The following WIPF3 variants were observed in gnomAD, a reference collection of about 807,000 sequenced individuals.
WIPF3 encodes WAS/WASL-interacting protein family member 3.
Under a neutral mutation model 38.9 loss-of-function variants are expected in WIPF3, and 33 were observed. The ratio of observed to expected loss-of-function variants is 0.85; its 90% CI spans 0.64 to 1.14. The LOEUF (loss-of-function observed/expected upper bound fraction) is 1.14, where lower values mean the gene tolerates loss of function less well. Ranked by LOEUF, WIPF3 falls within the 50% of genes most tolerant of loss-of-function variation. The probability of loss-of-function intolerance (pLI) is 0.00; values close to 1 mark genes in which losing one functional copy is unlikely to be tolerated. For missense variants in WIPF3, 711 were observed against 652.5 expected, an observed-to-expected ratio of 1.09 and a Z score of -0.98; for synonymous variants, 324 against 269.3, an observed-to-expected ratio of 1.20 and a Z score of -1.99.
intron 1 of WIPF3, among the ~76,000 whole-genome samples, chr7:29,815,589 G>T (rs529333619): frequency 3.1e-4 from 47 of 152,292 alleles, no homozygotes; most frequent in Admixed American, 1.2e-3. Flanking sequence ...GCAGTATTTT[G>T]TGGCTAGGGG....
Position 29,916,802 on chromosome 7 carries a change from C to G in WIPF3, c.*2286C>G, listed in dbSNP as rs1187947953. On this transcript the variant is annotated 3_prime_UTR_variant, in exon 9 of 9. Transcript: ENST00000242140. ...TCAGGAATGTGGCATCCCATCTCCC[C>G]TTGAGACCTATCACTGAATTCACAA... 1 of 152,168 alleles carries G rather than the reference C, an allele frequency of 6.6e-6. No individual in the cohort carries two copies. Among genetic ancestry groups the G allele is most frequent in the African/African-American group, 2.4e-5 (1 of 41,414 alleles). The allele number at this position is 152,168 out of a possible 1,614,324, so 9.4% of individuals were successfully genotyped here. A position where few individuals can be genotyped will look rare whatever the true frequency, so the allele number is the denominator to read the frequency against.
At chr7:29,813,167 T>G (rs746226665) in intron 1 of WIPF3, among the ~76,000 whole-genome samples, 4 of 152,200 alleles carry the variant, frequency 2.6e-5, no homozygotes, top group African/African-American at 4.8e-5. Flanking sequence ...TCTGATTTCC[T>G]CCTTGGCTCT....
At chr7:29,905,123 T>A (rs1053703691) in intron 8 of WIPF3, 1 of 152,184 alleles carries the variant, frequency 6.6e-6, no homozygotes, top group Non-Finnish European at 1.5e-5. Context: ...GAAAGTGACC[T>A]GAGAAGGAAG....
chr7:29,840,243 C>A (rs1562774879), intron 2 of WIPF3, among the ~76,000 whole-genome samples: 1 of 152,206 alleles, frequency 6.6e-6, no homozygotes, highest in Non-Finnish European at 1.5e-5. Flanking sequence ...CCCACTCCAT[C>A]CTGCATGGTC....
chr7:29,881,056 G>C (rs116653132), intron 4 of WIPF3, among the ~76,000 whole-genome samples: 1,584 of 152,234 alleles, frequency 0.01, 21 homozygotes, highest in African/African-American at 0.027. Context: ...GGCCTGAAAG[G>C]CTCATCCGCA....
chr7:29,883,787 C>T (rs1038992307), intron 4 of WIPF3, 63 bp from the exon 5 acceptor site: 66 of 1,502,456 alleles, frequency 4.4e-5, no homozygotes, highest in Non-Finnish European at 5.5e-5. Context: ...TGAGTGCCGC[C>T]TACCTGCGGG....
intron 5 of WIPF3, among the ~76,000 whole-genome samples, chr7:29,886,820 A>G (rs1040245382): frequency 6.6e-6 from 1 of 152,214 alleles, no homozygotes; most frequent in Non-Finnish European, 1.5e-5. Flanking sequence ...TAGGATTATT[A>G]GGAATATGAA....
chr7:29,884,144 C>A lies in WIPF3; in HGVS notation c.650C>A (p.Pro217His), dbSNP rs749853398. ...LTKGNLPVVAPPVPCAPPPPP... is the reference protein window; with the variant it reads ...LTKGNLPVVAHPVPCAPPPPP... ...AAAGGGAACCTCCCGGTGGTTGCAC[C>A]CCCCGTCCCCTGTGCGCCACCACCT... is the stretch of plus-strand genomic sequence containing the variant. Residue 217 changes from proline (P) to histidine (H), a missense_variant, in exon 5 of 9, where the codon CCC (proline) becomes CAC (histidine). Coordinates refer to ENST00000242140, the MANE Select transcript of WIPF3 (RefSeq NM_001080529.3). 7.2e-6 allele frequency: 11 copies of A among 1,530,152 alleles called. No individual in the cohort carries two copies. In the East Asian group the frequency reaches 1.2e-4, roughly 17 times the overall value. 94.8% of individuals were successfully genotyped at this position (1,530,152 alleles called of 1,614,324 possible).
intron 5 of WIPF3, among the ~76,000 whole-genome samples, chr7:29,885,342 T>A (rs576548091): frequency 1.1e-3 from 169 of 152,158 alleles, no homozygotes; most frequent in African/African-American, 3.8e-3. Context: ...TACACCCACA[T>A]CCACACAGGC....
chr7:29,827,316 T>C (rs1784630904), intron 1 of WIPF3, among the ~76,000 whole-genome samples: 2 of 152,150 alleles, frequency 1.3e-5, no homozygotes, highest in East Asian at 1.9e-4. Context: ...AGGAGAGAGA[T>C]GTGAACAGAG....
chr7:29,870,881 C>G (rs554086031), intron 2 of WIPF3, among the ~76,000 whole-genome samples: 89 of 151,178 alleles, frequency 5.9e-4, no homozygotes, highest in South Asian at 4.0e-3. Context: ...TGCTTGAACC[C>G]AGGAGAGGGA....
intron 1 of WIPF3, among the ~76,000 whole-genome samples, chr7:29,814,312 G>A (rs1213180428): frequency 6.6e-6 from 1 of 151,930 alleles, no homozygotes. Flanking sequence ...CTACAAAAGT[G>A]CCTGGCACAT....
At position 29,844,530 on chromosome 7, in the gene WIPF3, G is replaced by A. The variant is rs527582812; in HGVS notation, c.90+9716G>A. On this transcript the variant is annotated intron_variant, in intron 2 of 8. Coordinates refer to ENST00000242140, the MANE Select transcript of WIPF3 (RefSeq NM_001080529.3). The surrounding 1 kb of genome is among the most constrained non-coding windows in gnomAD (Gnocchi z 4.8). ...TGAGGCACAGAAAGTTTACTTACGTGCCCAGTGTCACACAGCCAGTCATGG... is the reference window on the plus strand; with the variant it reads ...TGAGGCACAGAAAGTTTACTTACGTACCCAGTGTCACACAGCCAGTCATGG... 1.3e-3 allele frequency among the ~76,000 whole-genome samples: 193 copies of A among 152,318 alleles called. No individual in the cohort carries two copies. Among genetic ancestry groups the A allele is most frequent in the Middle Eastern group, 3.4e-3 (1 of 294 alleles).
chr7:29,900,187 T>G (rs1356517228), intron 7 of WIPF3, among the ~76,000 whole-genome samples: 1 of 152,172 alleles, frequency 6.6e-6, no homozygotes, highest in Non-Finnish European at 1.5e-5. Context: ...TCCGCCTGCC[T>G]CAGCCTCCCA....
At chr7:29,858,447 C>T (rs563817707) in intron 2 of WIPF3, among the ~76,000 whole-genome samples, 1 of 152,310 alleles carries the variant, frequency 6.6e-6, no homozygotes, top group Admixed American at 6.5e-5. Context: ...ACTCTCATTA[C>T]ATATAGCCTC....
At chr7:29,864,224 A>T (rs1785348910) in intron 2 of WIPF3, among the ~76,000 whole-genome samples, 1 of 152,152 alleles carries the variant, frequency 6.6e-6, no homozygotes, top group African/African-American at 2.4e-5. Context: ...GAGAGTTTTT[A>T]TCATGAATGG....
At chr7:29,892,361 C>T (rs775173391) in intron 7 of WIPF3, among the ~76,000 whole-genome samples, 11 of 152,220 alleles carry the variant, frequency 7.2e-5, no homozygotes, top group Non-Finnish European at 1.6e-4. Flanking sequence ...GGGCTGCCTG[C>T]ACATGAACCT....
At position 29,825,749 on chromosome 7, in the gene WIPF3, A is replaced by G. The variant is rs192103456; in HGVS notation, c.-57-8919A>G. On this transcript the variant is annotated intron_variant, in intron 1 of 8. Coordinates refer to ENST00000242140, the MANE Select transcript of WIPF3 (RefSeq NM_001080529.3). ...TTTCAATAAGAGTCCTATAAAAGAA[A>G]ACCAATGTATGAGCTCATCTTAGTA... Among the ~76,000 whole-genome samples the G allele has an allele frequency of 1.1e-3, 160 of 152,354 alleles. 3 individuals are homozygous for G. The Middle Eastern group carries it at 0.014, about 13-fold the overall frequency.
At chr7:29,880,733 T>G (rs1170737411) in intron 4 of WIPF3, among the ~76,000 whole-genome samples, 1 of 152,184 alleles carries the variant, frequency 6.6e-6, no homozygotes, top group Non-Finnish European at 1.5e-5. Flanking sequence ...TTTATCTCTT[T>G]AGAGATGGAG....
Sources: gnomAD v4.1 joint callset for allele counts (sites outside exome capture counted in the v4.1 genomes callset) on GRCh38, gnomAD v4.1.1 for gene constraint, Gnocchi (gnomAD v3.1) non-coding constraint, MANE v1.5 for transcripts, NCBI Gene and HGNC (gene_info 2026-07-23, HGNC 2026-07-21) for gene names.